The following SAMD3 variants were observed in gnomAD, a reference collection of about 807,000 sequenced individuals.
The protein encoded by SAMD3 is sterile alpha motif domain-containing protein 3.
In SAMD3, 63 loss-of-function variants were observed where a neutral mutation model predicts 58.5. That is an observed-to-expected ratio of 1.08 (90% CI 0.88 to 1.33). SAMD3 has a LOEUF of 1.33. Among genes scored for constraint, SAMD3 ranks in the 40% most tolerant of loss-of-function variants. The pLI is 0.00. For synonymous variants in SAMD3, 220 were observed against 210.3 expected, an observed-to-expected ratio of 1.05 and a Z score of -0.40; for missense variants, 604 against 608.4, an observed-to-expected ratio of 0.99 and a Z score of 0.08.
chr6:130,157,627 G>A (rs544686434), intron 8 of SAMD3, among the ~76,000 whole-genome samples: 2 of 152,132 alleles, frequency 1.3e-5, no homozygotes, highest in African/African-American at 4.8e-5. Context: ...ACGCCTGACA[G>A]ATATGATTTT....
chr6:130,270,093 C>A (rs1562491058), intron 2 of SAMD3, among the ~76,000 whole-genome samples: 2 of 151,980 alleles, frequency 1.3e-5, no homozygotes, highest in Non-Finnish European at 2.9e-5. Context: ...TGTGGAAATT[C>A]TTTTTTGAGA....
chr6:130,330,526 T>A (rs1583115247), intron 1 of SAMD3, among the ~76,000 whole-genome samples: 1 of 152,066 alleles, frequency 6.6e-6, no homozygotes, highest in African/African-American at 2.4e-5. Context: ...CTGGAGATGG[T>A]TAGTTTAGAA....
Position 130,344,825 on chromosome 6 carries a change from CAAAAAAAAAAAAAA to C in SAMD3, c.-304+20281_-304+20294del, listed in dbSNP as rs56795907. Among the ~76,000 whole-genome samples, 17 of 41,102 alleles carry C rather than the reference CAAAAAAAAAAAAAA, an allele frequency of 4.1e-4. No individual in the cohort carries two copies. In the East Asian group the frequency reaches 0.01, roughly 25 times the overall value. The allele number at this position is 41,102 out of a possible 152,430, so 27.0% of individuals were successfully genotyped here. Reference sequence around the variant, plus strand: ...AAGGAAGCAGAAAGAACAACAACAGCAAAAAAAAAAAAAAAAAAAAAAAAAAAAGAGAAAGACTG... The same window carrying C: ...AAGGAAGCAGAAAGAACAACAACAGCAAAAAAAAAAAAAAGAGAAAGACTG... On this transcript the variant is annotated intron_variant, in intron 1 of 13. Coordinates refer to the SAMD3 transcript ENST00000368134.
intron 10 of SAMD3, among the ~76,000 whole-genome samples, chr6:130,145,663 C>T (rs1788555606): frequency 6.6e-6 from 1 of 152,098 alleles, no homozygotes; most frequent in African/African-American, 2.4e-5. Flanking sequence ...GTCCATCAGC[C>T]AGGAAGAATT....
At chr6:130,268,106 G>A (rs545258055) in intron 2 of SAMD3, among the ~76,000 whole-genome samples, 2 of 152,266 alleles carry the variant, frequency 1.3e-5, no homozygotes, top group South Asian at 2.1e-4. Flanking sequence ...AACCTATTAT[G>A]CTTTCAGTCC....
intron 5 of SAMD3, among the ~76,000 whole-genome samples, chr6:130,187,398 C>G (rs1793102801): frequency 6.6e-6 from 1 of 151,706 alleles, no homozygotes; most frequent in East Asian, 1.9e-4. Flanking sequence ...TATAAAGGAT[C>G]CAAGGAGACA....
chr6:130,282,271 T>G (rs1775007825), intron 2 of SAMD3, among the ~76,000 whole-genome samples: 1 of 152,254 alleles, frequency 6.6e-6, no homozygotes, highest in South Asian at 2.1e-4. Flanking sequence ...GTTCTAGTCC[T>G]AAAGAGATGG....
intron 3 of SAMD3, among the ~76,000 whole-genome samples, 197 bp downstream of exon 3, chr6:130,214,998 T>C (rs1322954370): frequency 6.6e-6 from 1 of 152,216 alleles, no homozygotes; most frequent in Admixed American, 6.5e-5. Flanking sequence ...AAATATTATA[T>C]TCTCTTGTGG....
intron 2 of SAMD3, among the ~76,000 whole-genome samples, chr6:130,268,922 C>T (rs1774456820): frequency 6.6e-6 from 1 of 152,166 alleles, no homozygotes; most frequent in African/African-American, 2.4e-5. Context: ...TTTTTATCCT[C>T]TTAATAAGAT....
chr6:130,148,972 A>C (rs1451248101), intron 9 of SAMD3, among the ~76,000 whole-genome samples: 2 of 152,204 alleles, frequency 1.3e-5, no homozygotes, highest in African/African-American at 2.4e-5. Flanking sequence ...GAAATGTTTG[A>C]ATTTACATAA....
chr6:130,328,037 C>T (rs1294916553), intron 1 of SAMD3, among the ~76,000 whole-genome samples: 3 of 152,338 alleles, frequency 2.0e-5, no homozygotes, highest in South Asian at 2.1e-4. Flanking sequence ...CATTCTACCC[C>T]TACCTGTAGC....
intron 9 of SAMD3, among the ~76,000 whole-genome samples, chr6:130,152,660 A>C (rs1789322409): frequency 6.6e-6 from 1 of 152,072 alleles, no homozygotes; most frequent in Non-Finnish European, 1.5e-5. Flanking sequence ...CTGGGCGACA[A>C]AGTAAGACTC....
intron 1 of SAMD3, among the ~76,000 whole-genome samples, chr6:130,316,718 G>T (rs1181537646): frequency 6.6e-6 from 1 of 152,116 alleles, no homozygotes; most frequent in Non-Finnish European, 1.5e-5. Flanking sequence ...TATGTTGGTG[G>T]CCTTAGCATA....
At chr6:130,196,703 C>T (rs1387818906) in intron 5 of SAMD3, among the ~76,000 whole-genome samples, 2 of 152,188 alleles carry the variant, frequency 1.3e-5, no homozygotes, top group Non-Finnish European at 2.9e-5. Flanking sequence ...CCCTCCCTTC[C>T]CTACACATCA....
intron 2 of SAMD3, among the ~76,000 whole-genome samples, chr6:130,236,892 A>G (rs959497923): frequency 6.6e-6 from 1 of 152,148 alleles, no homozygotes; most frequent in Admixed American, 6.6e-5. Context: ...TTTCCCTTGT[A>G]TCAACTTCAT....
chr6:130,250,853 T>G (rs988346747), intron 2 of SAMD3, among the ~76,000 whole-genome samples: 7 of 152,354 alleles, frequency 4.6e-5, no homozygotes, highest in African/African-American at 1.7e-4. Context: ...TTGATGGATT[T>G]GGGTTTTTTC....
rs775237073 is a variant in SAMD3, at chr6:130,146,158, A to C, written c.1047T>G (p.Leu349=). Residue 349 remains leucine, a synonymous_variant, in exon 10 of 12, where the codon CTT becomes CTG. Coordinates refer to ENST00000439090, the MANE Select transcript of SAMD3 (RefSeq NM_001017373.4). ...TTTTCTTATAAATATCTGTTCTTGT[A>C]AGAAGTTGGAATTCTCTGAACATCT... ...PYQMFREFQL[L]TRTDIYKKTR... 1 of 1,587,542 alleles carries C rather than the reference A, an allele frequency of 6.3e-7. No homozygotes were observed. Among genetic ancestry groups the C allele is most frequent in the Non-Finnish European group, 8.6e-7 (1 of 1,168,780 alleles).
intron 5 of SAMD3, among the ~76,000 whole-genome samples, chr6:130,193,826 G>T (rs1212873556): frequency 6.6e-6 from 1 of 152,162 alleles, no homozygotes; most frequent in Non-Finnish European, 1.5e-5. Flanking sequence ...GGTCTGAGGT[G>T]CCTGATGTCC....
chr6:130,218,423 A>G (rs1488257109), intron 1 of SAMD3, among the ~76,000 whole-genome samples: 1 of 152,210 alleles, frequency 6.6e-6, no homozygotes, highest in Non-Finnish European at 1.5e-5. Flanking sequence ...GTTCCAATGG[A>G]ACATAACATC....
Sources: gnomAD v4.1 joint callset for allele counts (sites outside exome capture counted in the v4.1 genomes callset) on GRCh38, gnomAD v4.1.1 for gene constraint, MANE v1.5 for transcripts, NCBI Gene and HGNC (gene_info 2026-07-23, HGNC 2026-07-21) for gene names.